ADARB2: variants seen among roughly 807,000 people sequenced by gnomAD.
The protein encoded by ADARB2 is inactive double-stranded RNA-specific editase B2.
Under a neutral mutation model 62.2 loss-of-function variants are expected in ADARB2, and 25 were observed. The ratio of observed to expected loss-of-function variants is 0.40; its 90% CI spans 0.29 to 0.56. ADARB2 has a LOEUF of 0.56. Among genes scored for constraint, ADARB2 ranks in the 20% least tolerant of loss-of-function variants. The probability of loss-of-function intolerance (pLI) is 0.43; values close to 1 mark genes in which losing one functional copy is unlikely to be tolerated. For missense variants in ADARB2, 1,071 were observed against 1,077.4 expected (o/e 0.99, Z 0.08); for synonymous variants, 572 against 500.8 (o/e 1.14, Z -1.90).
In ADARB2 at chr10:1,585,840, C is replaced by T. The variant is rs188409127; in HGVS notation, c.100+151211G>A. On this transcript the variant is annotated intron_variant, in intron 1 of 9. Coordinates refer to ENST00000381312, the MANE Select transcript of ADARB2 (RefSeq NM_018702.4). ...ACGAGGTCAGGAGATCGAGACCATC[C>T]TGGCTAACACGGTGAAACCCCGTCT... Among the ~76,000 whole-genome samples the T allele has an allele frequency of 7.6e-4, 116 of 152,240 alleles. 3 individuals carry two copies. The East Asian group carries it at 0.018, about 23-fold the overall frequency.
intron 1 of ADARB2, among the ~76,000 whole-genome samples, chr10:1,529,119 C>G (rs374176180): frequency 6.3e-5 from 9 of 143,930 alleles, no homozygotes; most frequent in East Asian, 2.3e-4. Context: ...ACGCACCATC[C>G]CCAACACAAA....
chr10:1,311,224 G>A (rs748423690), intron 3 of ADARB2, among the ~76,000 whole-genome samples: 14 of 152,214 alleles, frequency 9.2e-5, no homozygotes, highest in Non-Finnish European at 1.8e-4. Flanking sequence ...TGCTGGTGCC[G>A]GTCCTGTCCC....
intron 1 of ADARB2, among the ~76,000 whole-genome samples, chr10:1,412,817 T>G (rs978285941): frequency 1.3e-5 from 2 of 152,230 alleles, no homozygotes; most frequent in Non-Finnish European, 2.9e-5. Flanking sequence ...TTTCTCCTCT[T>G]TACTATAAAA....
At chr10:1,283,725 A>G (rs1282830889) in intron 3 of ADARB2, among the ~76,000 whole-genome samples, 1 of 152,188 alleles carries the variant, frequency 6.6e-6, no homozygotes, top group Non-Finnish European at 1.5e-5. Context: ...TAGACAGCCT[A>G]TGGCCTGTGT....
chr10:1,392,330 C>T (rs902398592), intron 1 of ADARB2, among the ~76,000 whole-genome samples: 5 of 152,184 alleles, frequency 3.3e-5, no homozygotes, highest in African/African-American at 1.2e-4. Flanking sequence ...TACAATACTT[C>T]AGCCTCTGTT....
chr10:1,178,697 A>C lies in ADARB2; in HGVS notation c.*4496T>G, dbSNP rs1460520695. 2.0e-5 allele frequency: 3 copies of C among 152,166 alleles called. No homozygotes were observed. The highest frequency in any genetic ancestry group is 4.4e-5 in the Non-Finnish European group (3 of 68,042). 9.4% of individuals were successfully genotyped at this position (152,166 alleles called of 1,614,324 possible). A position where few individuals can be genotyped will look rare whatever the true frequency, so the allele number is the denominator to read the frequency against. On this transcript the variant is annotated 3_prime_UTR_variant, in exon 10 of 10. Transcript: ENST00000381312. ...GGGGTGCTACTGCCTCTCCTGCAAC[A>C]CAGGGCTTCTAAATTTCCACCTCCA...
In ADARB2 at chr10:1,706,472, T is replaced by A. The variant is rs147725721; in HGVS notation, c.100+30579A>T. The stretch of plus-strand genomic sequence containing the variant: ...GAAGCCAGAAGGCCAGCCACAGGTA[T>A]TTACATATTCAGGCAACACATTTTG... On this transcript the variant is annotated intron_variant, in intron 1 of 9. Coordinates refer to ENST00000381312, the MANE Select transcript of ADARB2 (RefSeq NM_018702.4). Among the ~76,000 whole-genome samples the A allele has an allele frequency of 4.7e-3, 721 of 152,318 alleles. 3 individuals are homozygous for A. The highest frequency in any genetic ancestry group is 0.014 in the African/African-American group (586 of 41,562).
intron 1 of ADARB2, among the ~76,000 whole-genome samples, chr10:1,717,718 C>T (rs551397893): frequency 1.8e-4 from 28 of 152,136 alleles, no homozygotes; most frequent in African/African-American, 6.5e-4. Context: ...GCTGGGACTA[C>T]AAGCACACAC....
chr10:1,235,030 A>G (rs1830851671), intron 5 of ADARB2, among the ~76,000 whole-genome samples: 1 of 152,070 alleles, frequency 6.6e-6, no homozygotes, highest in South Asian at 2.1e-4. Context: ...TACAGGCGAG[A>G]GCCACCACAC....
At chr10:1,521,933 C>T (rs1477369503) in intron 1 of ADARB2, among the ~76,000 whole-genome samples, 3 of 152,196 alleles carry the variant, frequency 2.0e-5, no homozygotes, top group Non-Finnish European at 4.4e-5. Flanking sequence ...CACATGTTCT[C>T]AGGATCTCCT....
chr10:1,303,904 C>T (rs1831599881), intron 3 of ADARB2, among the ~76,000 whole-genome samples: 1 of 152,132 alleles, frequency 6.6e-6, no homozygotes, highest in African/African-American at 2.4e-5. Context: ...CAACCGGTAC[C>T]AGCCACTGCA....
At position 1,179,670 on chromosome 10, in the gene ADARB2, A is replaced by G. The variant is rs1836638595; in HGVS notation, c.*3523T>C. 1 of 152,260 alleles carries G rather than the reference A, an allele frequency of 6.6e-6. No homozygotes were observed. The highest frequency in any genetic ancestry group is 6.5e-5 in the Admixed American group (1 of 15,292). 9.4% of individuals were successfully genotyped at this position (152,260 alleles called of 1,614,324 possible). On this transcript the variant is annotated 3_prime_UTR_variant, in exon 10 of 10. Transcript: ENST00000381312. ...AGCAGTGTGTGTTTTGGAGGCAGAT[A>G]AAGGTGGTGCTGGTTTTATGAGGAC...
chr10:1,564,033 T>A (rs1832825450), intron 1 of ADARB2, among the ~76,000 whole-genome samples: 1 of 151,466 alleles, frequency 6.6e-6, no homozygotes, highest in Non-Finnish European at 1.5e-5. Context: ...TCTATCATTG[T>A]TGGACATTTG....
rs901108383 is a variant in ADARB2, at chr10:1,560,120, G to C, written c.100+176931C>G. 2.0e-5 allele frequency among the ~76,000 whole-genome samples: 3 copies of C among 152,158 alleles called. No individual in the cohort carries two copies. The East Asian group carries it at 5.8e-4, about 29-fold the overall frequency. On this transcript the variant is annotated intron_variant, in intron 1 of 9. Coordinates refer to ENST00000381312, the MANE Select transcript of ADARB2 (RefSeq NM_018702.4). The stretch of plus-strand genomic sequence containing the variant: ...AACAAATCCTAAGATTCCCAGACTA[G>C]TCGGCTCCCTAATGCATTTCTCTAA...
intron 8 of ADARB2, among the ~76,000 whole-genome samples, chr10:1,191,830 G>A (rs1028370933): frequency 2.0e-5 from 3 of 152,134 alleles, no homozygotes; most frequent in African/African-American, 7.2e-5. Flanking sequence ...ACACACAATC[G>A]TGTTAACAGT....
chr10:1,694,727 C>G (rs112516685), intron 1 of ADARB2, among the ~76,000 whole-genome samples: 12 of 152,284 alleles, frequency 7.9e-5, no homozygotes, highest in African/African-American at 2.9e-4. Flanking sequence ...ATAGGACAAG[C>G]ACATTTACGT....
intron 1 of ADARB2, among the ~76,000 whole-genome samples, chr10:1,614,365 A>G (rs1027839931): frequency 6.6e-6 from 1 of 152,272 alleles, no homozygotes; most frequent in Admixed American, 6.5e-5. Flanking sequence ...ACATTTGGCT[A>G]CATCAGCCTG....
At chr10:1,565,702 A>G (rs888157251) in intron 1 of ADARB2, among the ~76,000 whole-genome samples, 24 of 152,270 alleles carry the variant, frequency 1.6e-4, no homozygotes, top group South Asian at 6.2e-4. Context: ...GTTTTCCACA[A>G]TTTGTCCCGG....
intron 1 of ADARB2, among the ~76,000 whole-genome samples, chr10:1,544,140 C>G (rs1359150699): frequency 2.0e-5 from 3 of 152,186 alleles, no homozygotes; most frequent in African/African-American, 4.8e-5. Flanking sequence ...GGGCCCTGCT[C>G]AGGACGGTCA....
Sources: allele counts gnomAD v4.1 joint callset (sites outside exome capture counted in the v4.1 genomes callset), GRCh38; gene constraint gnomAD v4.1.1; transcripts MANE v1.5; gene names NCBI Gene and HGNC (gene_info 2026-07-23, HGNC 2026-07-21).